CFAP69: variants seen among roughly 807,000 people sequenced by gnomAD.
CFAP69 encodes the protein cilia and flagella associated protein 69, also known as cilia- and flagella-associated protein 69.
Under a neutral mutation model 123.0 loss-of-function variants are expected in CFAP69, and 92 were observed. The observed-to-expected ratio is 0.75, with a 90% CI of 0.63 to 0.89. CFAP69 has a LOEUF of 0.89. CFAP69 is among the 40% of genes least tolerant of loss of function. CFAP69 has a pLI of 0.00. For missense variants in CFAP69, 1,067 were observed against 1,096.9 expected (o/e 0.97, Z 0.39); for synonymous variants, 380 against 364.3 (o/e 1.04, Z -0.49).
chr7:90,297,956 G>A (rs1382700987), intron 16 of CFAP69, 126 bp downstream of exon 16: 3 of 609,574 alleles, frequency 4.9e-6, no homozygotes, highest in Non-Finnish European at 8.4e-6. Context: ...CAAAGGTACG[G>A]TCTTAAACAA....
intron 17 of CFAP69, chr7:90,303,555 G>GT: frequency 3.1e-6 from 3 of 959,340 alleles, no homozygotes; most frequent in Non-Finnish European, 3.7e-6. Flanking sequence ...CATTTTTATT[G>GT]TTTCTGAGTT....
intron 6 of CFAP69, among the ~76,000 whole-genome samples, chr7:90,270,705 A>G (rs1358025541): frequency 6.6e-6 from 1 of 152,136 alleles, no homozygotes; most frequent in Non-Finnish European, 1.5e-5. Context: ...CAAAAATCAA[A>G]AAGTCAGGGT....
intron 12 of CFAP69, among the ~76,000 whole-genome samples, chr7:90,282,214 T>A (rs1307851042): frequency 6.7e-6 from 1 of 149,424 alleles, no homozygotes; most frequent in Non-Finnish European, 1.5e-5. Flanking sequence ...CTGGTCATAG[T>A]GGCACACACC....
At chr7:90,281,653 C>T (rs1289045716) in intron 12 of CFAP69, among the ~76,000 whole-genome samples, 2 of 152,122 alleles carry the variant, frequency 1.3e-5, no homozygotes, top group Admixed American at 6.5e-5. Context: ...TACAGTGAAA[C>T]TCTTAGAAGA....
At chr7:90,267,123 T>C (rs1799259642) in intron 5 of CFAP69, among the ~76,000 whole-genome samples, 1 of 152,190 alleles carries the variant, frequency 6.6e-6, no homozygotes, top group South Asian at 2.1e-4. Context: ...AAAACCTAAG[T>C]AGTGATTTTG....
At chr7:90,318,552 A>G in the CFAP69 span, 1 of 152,122 alleles carries the variant, frequency 6.6e-6, no homozygotes, top group Non-Finnish European at 1.5e-5. Flanking sequence ...TTTAATAGTC[A>G]ATATTAATAT....
intron 4 of CFAP69, among the ~76,000 whole-genome samples, chr7:90,264,145 A>T (rs1798798204): frequency 1.6e-5 from 2 of 128,918 alleles, no homozygotes; most frequent in Non-Finnish European, 3.3e-5. Context: ...ATATATATAT[A>T]TATATGAATT....
chr7:90,323,371 G>A, the CFAP69 span, among the ~76,000 whole-genome samples: 2 of 152,080 alleles, frequency 1.3e-5, no homozygotes, highest in African/African-American at 2.4e-5. Flanking sequence ...TGGAAAAGAA[G>A]AAAGAAGAGA....
At position 90,245,383 on chromosome 7, in the gene CFAP69, G is replaced by T; in HGVS notation, c.-42G>T. ...CCCAGCGGCTGCGGGCGCACTGTAG[G>T]ACAGGAAGATCCCCCCACTCTCCAC... is the stretch of plus-strand genomic sequence containing the variant. On this transcript the variant is annotated 5_prime_UTR_variant, in exon 1 of 23. Coordinates refer to ENST00000389297, the MANE Select transcript of CFAP69 (RefSeq NM_001039706.3). 2.0e-6 allele frequency: 3 copies of T among 1,500,508 alleles called. No homozygotes were observed. The highest frequency in any genetic ancestry group is 2.7e-6 in the Non-Finnish European group (3 of 1,125,188). The allele number at this position is 1,500,508 out of a possible 1,614,324, so 92.9% of individuals were successfully genotyped here. A position where few individuals can be genotyped will look rare whatever the true frequency, so the allele number is the denominator to read the frequency against.
At chr7:90,311,312 C>T (rs1013842495), downstream of CFAP69, among the ~76,000 whole-genome samples, 1 of 152,128 alleles carries the variant, frequency 6.6e-6, no homozygotes, top group Non-Finnish European at 1.5e-5. Flanking sequence ...GAGACAAGGA[C>T]CTGTTTCTTA....
intron 16 of CFAP69, among the ~76,000 whole-genome samples, chr7:90,298,530 A>G (rs968940913): frequency 6.6e-6 from 1 of 152,174 alleles, no homozygotes; most frequent in African/African-American, 2.4e-5. Flanking sequence ...ACTATTCTTG[A>G]TTTTATTAAC....
At position 90,258,154 on chromosome 7, in the gene CFAP69, G is replaced by A; in HGVS notation, c.237G>A (p.Gln79=). 1 of 1,603,978 alleles carries A rather than the reference G, an allele frequency of 6.2e-7. No homozygotes were observed. The highest frequency in any genetic ancestry group is 8.5e-7 in the Non-Finnish European group (1 of 1,172,706). The change falls in exon 3 of 23, where the codon CAG becomes CAA. Residue 79 remains glutamine (Q), a synonymous_variant. Transcript: ENST00000389297. ...TCAAGAAACTGGTACAGTGTTATCA[G>A]AATGGACTTGTATCCTTTACATATA... ...KFVKKLVQCY[Q]NGLPLRDLAQ...
At chr7:90,298,738 C>T (rs1450019428) in intron 16 of CFAP69, among the ~76,000 whole-genome samples, 1 of 152,066 alleles carries the variant, frequency 6.6e-6, no homozygotes, top group Non-Finnish European at 1.5e-5. Flanking sequence ...AGTGTGCATG[C>T]ATACATATAT....
chr7:90,282,133 A>T (rs988748256), intron 12 of CFAP69, among the ~76,000 whole-genome samples: 1 of 151,890 alleles, frequency 6.6e-6, no homozygotes, highest in African/African-American at 2.4e-5. Flanking sequence ...CAGGAGGATC[A>T]CTTGAGGCCA....
chr7:90,271,515 ATTG>A lies in CFAP69; in HGVS notation c.533-5_533-3del. 1 of 1,605,018 alleles carries A rather than the reference ATTG, an allele frequency of 6.2e-7. No homozygotes were observed. The highest frequency in any genetic ancestry group is 8.5e-7 in the Non-Finnish European group (1 of 1,176,610). On this transcript the variant is annotated splice_polypyrimidine_tract_variant and splice_region_variant and intron_variant, in intron 6 of 22. Transcript: ENST00000389297. ...GATAACTGTATGTATTTATTAATGA[ATTG>A]TTGTTAGGTTACCAGCAAGCGAGTT...
At chr7:90,294,243 A>T (rs1276962492) in intron 15 of CFAP69, among the ~76,000 whole-genome samples, 1 of 152,214 alleles carries the variant, frequency 6.6e-6, no homozygotes, top group Non-Finnish European at 1.5e-5. Flanking sequence ...GTATTTGGAA[A>T]ACCTGATACC....
chr7:90,247,916 T>C (rs867405882), intron 1 of CFAP69, among the ~76,000 whole-genome samples: 1 of 152,196 alleles, frequency 6.6e-6, no homozygotes, highest in Non-Finnish European at 1.5e-5. Context: ...AGAGAACTTA[T>C]AGAGAGACCT....
intron 5 of CFAP69, among the ~76,000 whole-genome samples, chr7:90,267,634 C>G (rs1026779414): frequency 6.6e-6 from 1 of 152,082 alleles, no homozygotes; most frequent in Admixed American, 6.5e-5. Flanking sequence ...AAACTATTAC[C>G]CTTGCATGTG....
At chr7:90,307,140 T>A in intron 20 of CFAP69, 42 bp downstream of exon 20, 1 of 1,490,122 alleles carries the variant, frequency 6.7e-7, no homozygotes, top group Non-Finnish European at 9.3e-7. Context: ...GAAGATAGGT[T>A]GGTTAATGGG....
Sources: gnomAD v4.1 joint callset for allele counts (sites outside exome capture counted in the v4.1 genomes callset) on GRCh38, gnomAD v4.1.1 for gene constraint, MANE v1.5 for transcripts, NCBI Gene and HGNC (gene_info 2026-07-23, HGNC 2026-07-21) for gene names.